The following NWD1 variants were observed in gnomAD, a reference collection of about 807,000 sequenced individuals.
The protein encoded by NWD1 is NACHT and WD repeat domain containing 1.
Under a neutral mutation model 135.1 loss-of-function variants are expected in NWD1, and 129 were observed. That is an observed-to-expected ratio of 0.96 (90% CI 0.83 to 1.11). The LOEUF (loss-of-function observed/expected upper bound fraction) is 1.11, where lower values mean the gene tolerates loss of function less well. Among genes scored for constraint, NWD1 ranks in the 50% least tolerant of loss-of-function variants. The probability of loss-of-function intolerance (pLI) is 0.00; values close to 1 mark genes in which losing one functional copy is unlikely to be tolerated. For missense variants in NWD1, 1,740 were observed against 1,851.3 expected (o/e 0.94, Z 1.10); for synonymous variants, 773 against 786.0 (o/e 0.98, Z 0.28).
At chr19:16,748,266 G>A (rs531241094) in intron 5 of NWD1, among the ~76,000 whole-genome samples, 14 of 152,286 alleles carry the variant, frequency 9.2e-5, no homozygotes, top group African/African-American at 3.1e-4. Flanking sequence ...TTACAGGCAT[G>A]AGACCCCATG....
At chr19:16,742,278 G>C (rs1968117776) in intron 4 of NWD1, among the ~76,000 whole-genome samples, 1 of 152,018 alleles carries the variant, frequency 6.6e-6, no homozygotes, top group South Asian at 2.1e-4. Context: ...AGGAGGCTGA[G>C]GCCGGAGAAT....
intron 3 of NWD1, among the ~76,000 whole-genome samples, chr19:16,735,920 C>T (rs372687783): frequency 3.4e-5 from 5 of 147,958 alleles, no homozygotes; most frequent in South Asian, 4.3e-4. Context: ...GACAAGATTG[C>T]GCCACTGCAC....
chr19:16,789,932 G>C (rs1970185560), intron 13 of NWD1, among the ~76,000 whole-genome samples: 1 of 152,154 alleles, frequency 6.6e-6, no homozygotes, highest in African/African-American at 2.4e-5. Flanking sequence ...TGGCCAGGCT[G>C]GTCTCAAACT....
chr19:16,817,616 AAAGT>A lies in NWD1; in HGVS notation c.*2580_*2583del, dbSNP rs931635118. The A allele has an allele frequency of 6.6e-6, 1 of 151,862 alleles. No homozygotes were observed. Among genetic ancestry groups the A allele is most frequent in the African/African-American group, 2.4e-5 (1 of 41,372 alleles). The allele number at this position is 151,862 out of a possible 1,614,324, so 9.4% of individuals were successfully genotyped here. Reference sequence around the variant, plus strand: ...CTGTCTCCAAAAAAAAAAAAAAAAAAAAGTAATGGCAAAAACCACAATTAATTTT... The same window carrying A: ...CTGTCTCCAAAAAAAAAAAAAAAAAAAATGGCAAAAACCACAATTAATTTT... On this transcript the variant is annotated 3_prime_UTR_variant, in exon 19 of 19. Coordinates refer to ENST00000524140, the MANE Select transcript of NWD1 (RefSeq NM_001007525.5).
intron 6 of NWD1, among the ~76,000 whole-genome samples, chr19:16,755,252 T>G (rs1045488036): frequency 3.3e-5 from 5 of 152,166 alleles, no homozygotes; most frequent in Non-Finnish European, 5.9e-5. Context: ...TCTCACTCTC[T>G]TGACCCAGAC....
At position 16,749,485 on chromosome 19, in the gene NWD1, C is replaced by T; in HGVS notation, c.843C>T (p.Leu281=). 1 of 1,612,006 alleles carries T rather than the reference C, an allele frequency of 6.2e-7. No individual in the cohort carries two copies. Among genetic ancestry groups the T allele is most frequent in the Non-Finnish European group, 8.5e-7 (1 of 1,178,312 alleles). ...VRANHQVLTR[L]RELDTAGQEL... ...CCAATCACCAGGTCCTCACACGCCT[C>T]CGTGAGCTGGATACGGCCGGACAGG... The change falls in exon 6 of 19, where the codon CTC becomes CTT. Residue 281 remains leucine, a synonymous_variant. Transcript: ENST00000524140.
At chr19:16,781,054 G>A (rs1969836278) in intron 12 of NWD1, among the ~76,000 whole-genome samples, 1 of 152,094 alleles carries the variant, frequency 6.6e-6, no homozygotes, top group African/African-American at 2.4e-5. Flanking sequence ...TGCATTTGTC[G>A]ACCTCAGATC....
At chr19:16,814,056 G>A (rs1347031936) in intron 18 of NWD1, among the ~76,000 whole-genome samples, 1 of 152,108 alleles carries the variant, frequency 6.6e-6, no homozygotes, top group Non-Finnish European at 1.5e-5. Flanking sequence ...TACTCAGGAG[G>A]ATAAAGTGAT....
chr19:16,808,040 C>T lies in NWD1; in HGVS notation c.4191C>T (p.Ser1397=), dbSNP rs751421197. The T allele has an allele frequency of 6.2e-7, 1 of 1,614,120 alleles. No individual in the cohort carries two copies. Among genetic ancestry groups the T allele is most frequent in the South Asian group, 1.1e-5 (1 of 91,086 alleles). The change falls in exon 18 of 19, where the codon AGC becomes AGT. Residue 1397 remains serine (S), a synonymous_variant. Transcript: ENST00000524140. ...HRSRVACVEV[S]HKEQLVVSGS... ...GCCGAGTTGCCTGTGTGGAGGTCAG[C>T]CACAAGGAGCAGCTGGTGGTCAGCG... is the stretch of plus-strand genomic sequence containing the variant.
intron 10 of NWD1, among the ~76,000 whole-genome samples, chr19:16,771,949 C>A (rs573129045): frequency 8.0e-4 from 122 of 151,998 alleles, no homozygotes; most frequent in African/African-American, 2.9e-3. Context: ...GCCTGCGCGC[C>A]ACCATGCTCG....
intron 10 of NWD1, among the ~76,000 whole-genome samples, chr19:16,767,982 CTTTTTTTTTT>C (rs963453075): frequency 1.7e-4 from 14 of 83,568 alleles, no homozygotes; most frequent in African/African-American, 6.9e-4. Context: ...AATTTCCTTC[CTTTTTTTTTT>C]TTTTTTTTTT....
At chr19:16,813,038 C>T (rs112289241) in intron 18 of NWD1, among the ~76,000 whole-genome samples, 13 of 152,282 alleles carry the variant, frequency 8.5e-5, no homozygotes, top group East Asian at 7.7e-4. Context: ...CTCTGGAGTT[C>T]GAGAACTCCC....
At position 16,794,484 on chromosome 19, in the gene NWD1, T is replaced by C; in HGVS notation, c.3235T>C (p.Leu1079=). Reference sequence around the variant, plus strand: ...ACAGGTTTCCTCCAAAGGGGACAGATTGCTGGAGAAGCTTCCAGATGCTGT... The same window carrying C: ...ACAGGTTTCCTCCAAAGGGGACAGACTGCTGGAGAAGCTTCCAGATGCTGT... ...ISLVSSKGDR[L]LEKLPDAVRF... is the part of the protein sequence containing the mutation. Residue 1079 remains leucine, a synonymous_variant, in exon 15 of 19, where the codon TTG becomes CTG. Coordinates refer to ENST00000524140, the MANE Select transcript of NWD1 (RefSeq NM_001007525.5). 6.2e-7 allele frequency: 1 copy of C among 1,611,798 alleles called. No individual in the cohort carries two copies.
intron 7 of NWD1, among the ~76,000 whole-genome samples, chr19:16,761,674 T>C (rs1969018112): frequency 6.6e-6 from 1 of 152,164 alleles, no homozygotes; most frequent in South Asian, 2.1e-4. Context: ...GAACACCTGT[T>C]TCTTAATTCT....
chr19:16,749,500 G>T lies in NWD1; in HGVS notation c.858G>T (p.Thr286=), dbSNP rs780371424. Residue 286 remains threonine, a synonymous_variant, in exon 6 of 19, where the codon ACG becomes ACT. Coordinates refer to ENST00000524140, the MANE Select transcript of NWD1 (RefSeq NM_001007525.5). The stretch of plus-strand genomic sequence containing the variant: ...TCACACGCCTCCGTGAGCTGGATAC[G>T]GCCGGACAGGAGTTGGCGTGGCTCT... The part of the protein sequence containing the change: ...QVLTRLRELD[T]AGQELAWLYQ... 6.2e-7 allele frequency: 1 copy of T among 1,610,960 alleles called. No homozygotes were observed.
At chr19:16,727,882 G>A (rs1197369913) in intron 2 of NWD1, among the ~76,000 whole-genome samples, 3 of 152,068 alleles carry the variant, frequency 2.0e-5, no homozygotes, top group Non-Finnish European at 2.9e-5. Flanking sequence ...GCAACATGGC[G>A]AAACCCTGTC....
At chr19:16,789,716 C>CTTT (rs11383216) in intron 13 of NWD1, among the ~76,000 whole-genome samples, 1,772 of 119,530 alleles carry the variant, frequency 0.015, 44 homozygotes, top group Non-Finnish European at 0.023. Context: ...TCCTCTCTCT[C>CTTT]TTTTTTTTTT....
intron 13 of NWD1, 58 bp from the exon 14 acceptor site, chr19:16,791,292 G>C (rs1037419329): frequency 4.0e-6 from 6 of 1,517,672 alleles, no homozygotes; most frequent in Non-Finnish European, 5.4e-6. Context: ...TTGACTCCGG[G>C]AAACTTGTAG....
intron 11 of NWD1, 131 bp from the exon 12 acceptor site, chr19:16,779,211 TG>T: frequency 1.0e-6 from 1 of 976,086 alleles, no homozygotes. Flanking sequence ...TGTGCAGCTT[TG>T]GGCAAGGGAC....
Sources: allele counts gnomAD v4.1 joint callset (sites outside exome capture counted in the v4.1 genomes callset), GRCh38; gene constraint gnomAD v4.1.1; transcripts MANE v1.5; gene names NCBI Gene and HGNC (gene_info 2026-07-23, HGNC 2026-07-21).